The following LOC128462377 variants were observed in gnomAD, a reference collection of about 807,000 sequenced individuals.
At chr16:89,410,818 A>G in the LOC128462377 span, among the ~76,000 whole-genome samples, 1 of 152,340 alleles carries the variant, frequency 6.6e-6, no homozygotes, top group African/African-American at 2.4e-5. Context: ...GGGAAGCTTA[A>G]CAGAAGGGGG....
the LOC128462377 span, among the ~76,000 whole-genome samples, chr16:89,412,005 T>A: frequency 9.2e-6 from 1 of 108,278 alleles, no homozygotes; most frequent in African/African-American, 3.8e-5. Context: ...CAGAGTCTCC[T>A]GGCCGTGCCC....
the LOC128462377 span, among the ~76,000 whole-genome samples, chr16:89,390,382 A>T: frequency 1.3e-5 from 2 of 152,170 alleles, no homozygotes; most frequent in Admixed American, 1.3e-4. Context: ...GAGAGAGAGA[A>T]GATCACTGGA....
chr16:89,381,452 G>T, the LOC128462377 span, among the ~76,000 whole-genome samples: 1 of 151,802 alleles, frequency 6.6e-6, no homozygotes, highest in South Asian at 2.1e-4. Flanking sequence ...ATTGTATAAG[G>T]AGCAAGAGCT....
the LOC128462377 span, among the ~76,000 whole-genome samples, chr16:89,412,002 T>C: frequency 2.8e-5 from 3 of 107,656 alleles, no homozygotes; most frequent in South Asian, 1.2e-3. Flanking sequence ...TCCCAGAGTC[T>C]CCTGGCCGTG....
At chr16:89,407,335 T>C in the LOC128462377 span, among the ~76,000 whole-genome samples, 1 of 150,740 alleles carries the variant, frequency 6.6e-6, no homozygotes, top group Non-Finnish European at 1.5e-5. Context: ...AAGGAAAAGA[T>C]GAATAGATGA....
chr16:89,335,156 G>A, the LOC128462377 span, among the ~76,000 whole-genome samples: 2 of 152,164 alleles, frequency 1.3e-5, no homozygotes, highest in Admixed American at 6.5e-5. Flanking sequence ...CGGCCTGTGG[G>A]GGCACTGTGG....
chr16:89,370,845 A>C, the LOC128462377 span: 1 of 152,368 alleles, frequency 6.6e-6, no homozygotes, highest in Non-Finnish European at 1.5e-5. Context: ...CTGAGTGCTC[A>C]GTACAGCAGC....
chr16:89,415,335 G>A, the LOC128462377 span, among the ~76,000 whole-genome samples: 20 of 141,888 alleles, frequency 1.4e-4, no homozygotes, highest in Non-Finnish European at 2.7e-4. Flanking sequence ...TGCGATCTCG[G>A]TTTACTGCAA....
chr16:89,317,215 C>T, the LOC128462377 span: 2 of 699,598 alleles, frequency 2.9e-6, no homozygotes, highest in Non-Finnish European at 5.1e-6. Context: ...CCGGGCCAGG[C>T]CCAGGAAGGG....
the LOC128462377 span, among the ~76,000 whole-genome samples, chr16:89,384,588 G>A: frequency 3.3e-5 from 5 of 152,106 alleles, no homozygotes; most frequent in Admixed American, 1.3e-4. Context: ...GACGGGATGG[G>A]GCAGGACAGA....
the LOC128462377 span, chr16:89,392,590 T>C: frequency 2.0e-5 from 3 of 151,828 alleles, no homozygotes; most frequent in African/African-American, 7.3e-5. Flanking sequence ...TCGTGATGTG[T>C]TGAAGCAGAC....
At chr16:89,416,687 T>A in the LOC128462377 span, among the ~76,000 whole-genome samples, 1 of 149,756 alleles carries the variant, frequency 6.7e-6, no homozygotes, top group African/African-American at 2.5e-5. Flanking sequence ...CCCAGCACTT[T>A]GGGAGGCTGA....
the LOC128462377 span, among the ~76,000 whole-genome samples, chr16:89,378,851 G>C: frequency 6.6e-6 from 1 of 152,198 alleles, no homozygotes; most frequent in Non-Finnish European, 1.5e-5. Flanking sequence ...CATGTTTTAA[G>C]GGGTTGATGG....
chr16:89,407,887 T>C, the LOC128462377 span, among the ~76,000 whole-genome samples: 1 of 143,844 alleles, frequency 7.0e-6, no homozygotes, highest in Non-Finnish European at 1.5e-5. Context: ...GAAGAAGAAA[T>C]ATTAACTCCT....
chr16:89,408,462 G>C, the LOC128462377 span, among the ~76,000 whole-genome samples: 3 of 152,270 alleles, frequency 2.0e-5, no homozygotes, highest in Non-Finnish European at 4.4e-5. Context: ...CCCTGACCCT[G>C]AGCGTGGTGG....
the LOC128462377 span, among the ~76,000 whole-genome samples, chr16:89,381,528 G>A: frequency 6.6e-6 from 1 of 152,224 alleles, no homozygotes; most frequent in African/African-American, 2.4e-5. Context: ...AAGCATTCTA[G>A]TTTATAAAAC....
chr16:89,392,897 C>T, the LOC128462377 span, among the ~76,000 whole-genome samples: 2 of 151,896 alleles, frequency 1.3e-5, no homozygotes, highest in African/African-American at 4.8e-5. Flanking sequence ...GAACTTGTGT[C>T]TAATCACCAC....
At chr16:89,337,475 C>T in the LOC128462377 span, among the ~76,000 whole-genome samples, 100 of 111,904 alleles carry the variant, frequency 8.9e-4, no homozygotes, top group African/African-American at 3.2e-3. Flanking sequence ...CTCCCTCTGT[C>T]GCCCAGGCTG....
chr16:89,398,221 C>T, the LOC128462377 span, among the ~76,000 whole-genome samples: 4 of 148,698 alleles, frequency 2.7e-5, no homozygotes, highest in African/African-American at 7.7e-5. Context: ...TTACCTGTGA[C>T]CTCAGCACTC....
Sources: allele counts gnomAD v4.1 joint callset (sites outside exome capture counted in the v4.1 genomes callset), GRCh38; gene constraint gnomAD v4.1.1; transcripts MANE v1.5.